The following AKR1C8 variants were observed in gnomAD, a reference collection of about 807,000 sequenced individuals.
AKR1C8 encodes the protein aldo-keto reductase family 1 member C8.
chr10:5,135,515 C>G, the AKR1C8 span, among the ~76,000 whole-genome samples: 2 of 146,832 alleles, frequency 1.4e-5, no homozygotes. Context: ...TGGAATCTAT[C>G]TATCTATCTA....
chr10:5,160,870 G>A, the AKR1C8 span: 10 of 470,930 alleles, frequency 2.1e-5, no homozygotes, highest in Non-Finnish European at 4.4e-5. Flanking sequence ...GGCATCCTTT[G>A]GCAGTAATTC....
At chr10:5,147,372 C>G in the AKR1C8 span, among the ~76,000 whole-genome samples, 8 of 152,200 alleles carry the variant, frequency 5.3e-5, no homozygotes, top group Admixed American at 1.3e-4. Flanking sequence ...TCCCCTGGCC[C>G]AGCACCAACT....
chr10:5,139,976 A>T, the AKR1C8 span, among the ~76,000 whole-genome samples: 18 of 152,336 alleles, frequency 1.2e-4, no homozygotes, highest in East Asian at 3.3e-3. Context: ...CTCATCAAAA[A>T]GTGGGCAAAG....
At chr10:5,168,085 A>T in the AKR1C8 span, among the ~76,000 whole-genome samples, 1 of 152,062 alleles carries the variant, frequency 6.6e-6, no homozygotes, top group East Asian at 1.9e-4. Context: ...TCTAGGATGG[A>T]CAGGCCTAGA....
chr10:5,179,132 A>T, the AKR1C8 span, among the ~76,000 whole-genome samples: 1 of 152,022 alleles, frequency 6.6e-6, no homozygotes, highest in Non-Finnish European at 1.5e-5. Context: ...GTTCCTTTCC[A>T]TGTTTAGTGC....
the AKR1C8 span, among the ~76,000 whole-genome samples, chr10:5,121,812 G>A: frequency 9.9e-5 from 15 of 152,116 alleles, 1 homozygote; most frequent in South Asian, 2.1e-4. Context: ...GGGTAAGAGC[G>A]TCCAAAGCGT....
At chr10:5,123,045 A>T in the AKR1C8 span, among the ~76,000 whole-genome samples, 1 of 152,328 alleles carries the variant, frequency 6.6e-6, no homozygotes, top group Middle Eastern at 3.4e-3. Flanking sequence ...TAAATTGCCA[A>T]CTTAATGTTG....
At chr10:5,175,871 A>G in the AKR1C8 span, among the ~76,000 whole-genome samples, 1 of 151,930 alleles carries the variant, frequency 6.6e-6, no homozygotes, top group Non-Finnish European at 1.5e-5. Context: ...TAGATTCTGG[A>G]TATTAGCCCT....
At chr10:5,133,200 A>T in the AKR1C8 span, among the ~76,000 whole-genome samples, 1 of 152,078 alleles carries the variant, frequency 6.6e-6, no homozygotes. Flanking sequence ...GGACTGAAAC[A>T]ATCCTCTCAC....
At chr10:5,151,377 T>C in the AKR1C8 span, among the ~76,000 whole-genome samples, 1 of 152,158 alleles carries the variant, frequency 6.6e-6, no homozygotes. Flanking sequence ...AGGGCTGTTA[T>C]CATCTTTGTT....
At chr10:5,150,503 C>G in the AKR1C8 span, among the ~76,000 whole-genome samples, 1 of 152,026 alleles carries the variant, frequency 6.6e-6, no homozygotes, top group Non-Finnish European at 1.5e-5. Flanking sequence ...AAGTTAAACA[C>G]TATTTCATAT....
chr10:5,145,643 G>A, the AKR1C8 span, among the ~76,000 whole-genome samples: 1 of 152,156 alleles, frequency 6.6e-6, no homozygotes, highest in Non-Finnish European at 1.5e-5. Flanking sequence ...CAAAACCACA[G>A]TGAGACACCA....
chr10:5,116,515 T>C, the AKR1C8 span, among the ~76,000 whole-genome samples: 14 of 152,300 alleles, frequency 9.2e-5, no homozygotes, highest in African/African-American at 3.4e-4. Flanking sequence ...GGATGCTGAT[T>C]CAGGGCATAC....
chr10:5,160,088 TC>T, the AKR1C8 span: 365 of 291,014 alleles, frequency 1.3e-3, 24 homozygotes, highest in Admixed American at 6.2e-4. Flanking sequence ...ATGCTGGAAA[TC>T]TGTTTTAACA....
the AKR1C8 span, among the ~76,000 whole-genome samples, chr10:5,124,465 G>T: frequency 6.6e-6 from 1 of 152,014 alleles, no homozygotes; most frequent in African/African-American, 2.4e-5. Flanking sequence ...TCTTGACTTG[G>T]TGAGGGATTC....
the AKR1C8 span, among the ~76,000 whole-genome samples, chr10:5,176,171 G>T: frequency 2.0e-5 from 3 of 150,028 alleles, no homozygotes; most frequent in African/African-American, 7.3e-5. Flanking sequence ...GTAAGGAAAG[G>T]ATCCAGTTTC....
At chr10:5,171,273 T>G in the AKR1C8 span, among the ~76,000 whole-genome samples, 1 of 152,052 alleles carries the variant, frequency 6.6e-6, no homozygotes, top group Admixed American at 6.6e-5. Context: ...TGCTTATGGA[T>G]AACAAAAAGT....
chr10:5,119,311 G>A, the AKR1C8 span, among the ~76,000 whole-genome samples: 59,646 of 152,014 alleles, frequency 0.39, 12,512 homozygotes, highest in Non-Finnish European at 0.43. Flanking sequence ...CTGCTTTAAA[G>A]TCAGTAAAAT....
the AKR1C8 span, among the ~76,000 whole-genome samples, chr10:5,153,983 A>T: frequency 6.6e-6 from 1 of 152,170 alleles, no homozygotes; most frequent in Non-Finnish European, 1.5e-5. Flanking sequence ...CAGGAAAAAC[A>T]AACATCTTCT....
Sources: allele counts gnomAD v4.1 joint callset (sites outside exome capture counted in the v4.1 genomes callset), GRCh38; gene constraint gnomAD v4.1.1; transcripts MANE v1.5; gene names NCBI Gene and HGNC (gene_info 2026-07-23, HGNC 2026-07-21).